Variants in LRP4 observed in about 807,000 individuals in gnomAD.
The protein encoded by LRP4 is low-density lipoprotein receptor-related protein 4.
LRP4 carries 95 observed loss-of-function variants against 220.3 expected under a neutral mutation model. The ratio of observed to expected loss-of-function variants is 0.43; its 90% CI spans 0.37 to 0.51. The LOEUF (loss-of-function observed/expected upper bound fraction) is 0.51. LRP4 is among the 20% of genes least tolerant of loss of function. LRP4 has a pLI of 0.00. For synonymous variants in LRP4, 903 were observed against 954.6 expected, an observed-to-expected ratio of 0.95 and a Z score of 1.00; for missense variants, 1,925 against 2,567.0, an observed-to-expected ratio of 0.75 and a Z score of 5.40.
Position 46,890,833 on chromosome 11 carries a change from A to G in LRP4, c.1698-339T>C, listed in dbSNP as rs1404009328. The stretch of plus-strand genomic sequence containing the variant: ...GGTCTCAAACTCCTGAGCTCAAGCA[A>G]TCCTCCTGCTTTGTCCTTTCAAAGT... On this transcript the variant is annotated intron_variant, in intron 13 of 37. Transcript: ENST00000378623. The surrounding 1 kb of genome is among the most constrained non-coding windows in gnomAD (Gnocchi z 5.3). 6.6e-6 allele frequency among the ~76,000 whole-genome samples: 1 copy of G among 152,152 alleles called. No homozygotes were observed. The highest frequency in any genetic ancestry group is 6.5e-5 in the Admixed American group (1 of 15,280).
rs61736853 is a variant in LRP4 at position 46,876,595 on chromosome 11, C to T, written c.3407G>A (p.Arg1136Gln). ...TCCCGTGTCTGTCCAGTATACTTTC[C>T]GGCCAATGGCATCAACCGCGAGCCC... Reference protein sequence around the residue: ...TDGLAVDAIGRKVYWTDTGTN... With the variant: ...TDGLAVDAIGQKVYWTDTGTN... The change falls in exon 25 of 38, where the codon CGG becomes CAG. Residue 1136 changes from arginine (R) to glutamine (Q), a missense_variant. Arg to Gln is a conservative substitution (Grantham distance 43). Coordinates refer to ENST00000378623, the MANE Select transcript of LRP4 (RefSeq NM_002334.4). 137 of 1,614,174 alleles carry T rather than the reference C, an allele frequency of 8.5e-5. No individual in the cohort carries two copies. In the African/African-American group the frequency reaches 1.6e-3, roughly 18 times the overall value.
intron 1 of LRP4, among the ~76,000 whole-genome samples, chr11:46,915,664 C>T (rs1941936373): frequency 6.6e-6 from 1 of 152,208 alleles, no homozygotes; most frequent in Non-Finnish European, 1.5e-5. Context: ...CTGCCTCATC[C>T]ATTCGAGTAG....
chr11:46,893,145 A>G lies in LRP4; in HGVS notation c.1541-16T>C. 1.2e-6 allele frequency: 2 copies of G among 1,614,152 alleles called. No homozygotes were observed. Among genetic ancestry groups the G allele is most frequent in the Admixed American group, 3.3e-5 (2 of 60,018 alleles). On this transcript the variant is annotated splice_polypyrimidine_tract_variant and intron_variant, in intron 12 of 37. Transcript: ENST00000378623. ...GCCAGGCCCCCTGGTGAGAAGCAGC[A>G]GCAAAAAATGTCAAGGAGTCAACCC...
intron 12 of LRP4, among the ~76,000 whole-genome samples, 182 bp downstream of exon 12, chr11:46,894,407 T>C (rs1485063457): frequency 6.6e-6 from 1 of 152,230 alleles, no homozygotes; most frequent in Non-Finnish European, 1.5e-5. Context: ...AAATGTTATA[T>C]TTGAACCTAT....
intron 37 of LRP4, among the ~76,000 whole-genome samples, chr11:46,861,276 C>T (rs1940538888): frequency 6.6e-6 from 1 of 151,696 alleles, no homozygotes; most frequent in Non-Finnish European, 1.5e-5. Context: ...TATTTAAATA[C>T]GGGAATTCAT....
chr11:46,869,440 T>C (rs1167829396), intron 31 of LRP4, among the ~76,000 whole-genome samples: 1 of 152,210 alleles, frequency 6.6e-6, no homozygotes, highest in Admixed American at 6.5e-5. Flanking sequence ...AGGACAAGAA[T>C]GTGTTCTATT....
chr11:46,909,284 G>A (rs1017085777), intron 1 of LRP4, among the ~76,000 whole-genome samples: 1 of 151,946 alleles, frequency 6.6e-6, no homozygotes, highest in African/African-American at 2.4e-5. Flanking sequence ...GGCTACCCCA[G>A]TGTGGAAGCT....
At position 46,873,865 on chromosome 11, in the gene LRP4, T is replaced by G. The variant is rs1173115044; in HGVS notation, c.4230-272A>C. On this transcript the variant is annotated intron_variant, in intron 28 of 37. Coordinates refer to ENST00000378623, the MANE Select transcript of LRP4 (RefSeq NM_002334.4). The surrounding 1 kb of genome is among the most constrained non-coding windows in gnomAD (Gnocchi z 4.2). ...GGGGATGTCTTGCTAGAAGACAAGT[T>G]TATCATTCCCCACATACCTTTGGGA... 1 of 490,742 alleles carries G rather than the reference T, an allele frequency of 2.0e-6. No homozygotes were observed. The highest frequency in any genetic ancestry group is 3.6e-6 in the Non-Finnish European group (1 of 278,378). The allele number at this position is 490,742 out of a possible 1,614,324, so 30.4% of individuals were successfully genotyped here.
At chr11:46,866,104 A>T (rs560038592) in intron 34 of LRP4, among the ~76,000 whole-genome samples, 1 of 151,918 alleles carries the variant, frequency 6.6e-6, no homozygotes, top group Non-Finnish European at 1.5e-5. Flanking sequence ...GCTACTGATG[A>T]TATTAAAAAT....
chr11:46,901,769 G>A (rs1941669623), intron 2 of LRP4, among the ~76,000 whole-genome samples: 1 of 151,798 alleles, frequency 6.6e-6, no homozygotes, highest in South Asian at 2.1e-4. Context: ...GTCTCGCTCT[G>A]TCGCCCAATC....
At chr11:46,861,912 T>C (rs1407343217) in intron 37 of LRP4, among the ~76,000 whole-genome samples, 2 of 151,464 alleles carry the variant, frequency 1.3e-5, no homozygotes. Flanking sequence ...CTACTAAAAA[T>C]ACAAAATTAG....
In LRP4 at chr11:46,895,269, C is replaced by T; in HGVS notation, c.1206G>A (p.Glu402=). Residue 402 remains glutamate, a synonymous_variant, in exon 11 of 38, where the codon GAG becomes GAA. Transcript: ENST00000378623. ...TCQDVNECAE[E]GYCSQGCTNS... ...TGGTGCAGCCCTGGCTGCAATACCC[C>T]TCCTCGGCACATTCATTCACATCTG... 6.2e-7 allele frequency: 1 copy of T among 1,613,676 alleles called. No individual in the cohort carries two copies. Among genetic ancestry groups the T allele is most frequent in the East Asian group, 2.2e-5 (1 of 44,880 alleles).
At chr11:46,915,669 G>C (rs1192001216) in intron 1 of LRP4, among the ~76,000 whole-genome samples, 1 of 152,060 alleles carries the variant, frequency 6.6e-6, no homozygotes, top group African/African-American at 2.4e-5. Flanking sequence ...TCATCCATTC[G>C]AGTAGCTGGG....
At chr11:46,876,670 A>T (rs1430519708) in intron 24 of LRP4, 33 bp from the exon 25 acceptor site, 1 of 1,614,160 alleles carries the variant, frequency 6.2e-7, no homozygotes, top group East Asian at 2.2e-5. Flanking sequence ...ACTGGCTCCT[A>T]TTTTAAAACA....
At chr11:46,865,306 T>C (rs1940665838) in intron 34 of LRP4, 120 bp from the exon 35 acceptor site, 2 of 739,330 alleles carry the variant, frequency 2.7e-6, no homozygotes, top group African/African-American at 1.7e-5. Context: ...ATGTACAAGA[T>C]GGAAGACATC....
In LRP4 at chr11:46,899,305, A is replaced by C; in HGVS notation, c.547+82T>G. ...CATGCTCCTTGCCCTTGGTACATGC[A>C]CTCCTCAGCCTCGCCCTTAGCCAAT... On this transcript the variant is annotated intron_variant, in intron 5 of 37. Coordinates refer to ENST00000378623, the MANE Select transcript of LRP4 (RefSeq NM_002334.4). The surrounding 1 kb of genome is among the most constrained non-coding windows in gnomAD (Gnocchi z 5.9). 11 of 1,156,950 alleles carry C rather than the reference A, an allele frequency of 9.5e-6. No individual in the cohort carries two copies. The South Asian group carries it at 1.3e-4, about 14-fold the overall frequency. 71.7% of individuals were successfully genotyped at this position (1,156,950 alleles called of 1,614,324 possible).
intron 31 of LRP4, among the ~76,000 whole-genome samples, chr11:46,869,436 A>G (rs1418937333): frequency 2.0e-5 from 3 of 152,216 alleles, no homozygotes; most frequent in African/African-American, 7.2e-5. Context: ...TTCAAGGACA[A>G]GAATGTGTTC....
intron 37 of LRP4, among the ~76,000 whole-genome samples, chr11:46,861,961 G>A (rs1269272352): frequency 2.0e-5 from 3 of 151,504 alleles, no homozygotes; most frequent in African/African-American, 4.9e-5. Flanking sequence ...CCAGTTACCC[G>A]GGAGGCTGAG....
In LRP4 at chr11:46,876,236, T is replaced by C. The variant is rs60258676; in HGVS notation, c.3536+230A>G. ...AAATACCGGACCCAAGTGATATAGC[T>C]AATACATGATGAAAACATTTCAATC... is the stretch of plus-strand genomic sequence containing the variant. On this transcript the variant is annotated intron_variant, in intron 25 of 37. Coordinates refer to ENST00000378623, the MANE Select transcript of LRP4 (RefSeq NM_002334.4). Among the ~76,000 whole-genome samples, 29,857 of 152,174 alleles carry C rather than the reference T, an allele frequency of 0.2. 3,565 individuals carry two copies. The highest frequency in any genetic ancestry group is 0.6 in the East Asian group (3,120 of 5,166).
Sources: allele counts gnomAD v4.1 joint callset (sites outside exome capture counted in the v4.1 genomes callset), GRCh38; gene constraint gnomAD v4.1.1; non-coding constraint Gnocchi (gnomAD v3.1); transcripts MANE v1.5; gene names NCBI Gene and HGNC (gene_info 2026-07-23, HGNC 2026-07-21).